Variants in LRRC7 observed in about 807,000 individuals in gnomAD.
LRRC7 encodes leucine-rich repeat-containing protein 7.
In LRRC7, 23 loss-of-function variants were observed where a neutral mutation model predicts 175.7. That is an observed-to-expected ratio of 0.13 (90% CI 0.09 to 0.19). The LOEUF (loss-of-function observed/expected upper bound fraction) is 0.19, where lower values mean the gene tolerates loss of function less well. Among genes scored for constraint, LRRC7 ranks in the 10% least tolerant of loss-of-function variants. The pLI, the probability that LRRC7 is intolerant of heterozygous loss-of-function variation, is 1.00. For synonymous variants in LRRC7, 685 were observed against 680.9 expected, an observed-to-expected ratio of 1.01 and a Z score of -0.09; for missense variants, 1,354 against 1,904.7, an observed-to-expected ratio of 0.71 and a Z score of 5.38.
rs1489366777 is a variant in LRRC7, at chr1:70,139,996, TGCCTTA to T, written c.*18110_*18115del. 1 of 152,154 alleles carries T rather than the reference TGCCTTA, an allele frequency of 6.6e-6. No homozygotes were observed. Among genetic ancestry groups the T allele is most frequent in the African/African-American group, 2.4e-5 (1 of 41,458 alleles). The allele number at this position is 152,154 out of a possible 1,614,324, so 9.4% of individuals were successfully genotyped here. ...TTAATTCTAGGGTACTTACAATAGC[TGCCTTA>T]TTGGGGGAAGGGAGGCATAGATTTG... On this transcript the variant is annotated 3_prime_UTR_variant, in exon 27 of 27. Coordinates refer to ENST00000651989, the MANE Select transcript of LRRC7 (RefSeq NM_001370785.2).
intron 4 of LRRC7, among the ~76,000 whole-genome samples, chr1:69,820,191 C>CTTTGCTTCTG (rs1202368864): frequency 6.6e-6 from 1 of 151,612 alleles, no homozygotes; most frequent in Admixed American, 6.6e-5. Flanking sequence ...TGTGTATCTA[C>CTTTGCTTCTG]TATAGGTCTT....
At chr1:69,710,340 G>A (rs527240791) in intron 2 of LRRC7, among the ~76,000 whole-genome samples, 1 of 150,130 alleles carries the variant, frequency 6.7e-6, no homozygotes, top group Non-Finnish European at 1.5e-5. Context: ...CCAGAGCAGA[G>A]AAAGGCAGAA....
intron 1 of LRRC7, among the ~76,000 whole-genome samples, chr1:69,574,565 T>G (rs902572736): frequency 6.6e-6 from 1 of 152,138 alleles, no homozygotes; most frequent in Non-Finnish European, 1.5e-5. Context: ...AGGTAGGTAA[T>G]GGACACAAAG....
intron 8 of LRRC7, among the ~76,000 whole-genome samples, chr1:69,946,449 AT>A (rs926118301): frequency 3.3e-5 from 5 of 151,680 alleles, no homozygotes; most frequent in Admixed American, 6.6e-5. Flanking sequence ...TTTTTTGGGT[AT>A]TTTTTTTATT....
intron 2 of LRRC7, among the ~76,000 whole-genome samples, chr1:69,751,158 T>C (rs936061201): frequency 2.0e-5 from 3 of 149,790 alleles, no homozygotes; most frequent in South Asian, 2.1e-4. Context: ...ATATTTGCTT[T>C]TATAGCAATT....
chr1:69,927,681 G>C (rs908456532), intron 7 of LRRC7, among the ~76,000 whole-genome samples: 1 of 152,044 alleles, frequency 6.6e-6, no homozygotes, highest in Non-Finnish European at 1.5e-5. Flanking sequence ...GGACTTCTCT[G>C]TATTGGTTAT....
At chr1:70,006,117 A>C (rs1302572428) in intron 11 of LRRC7, among the ~76,000 whole-genome samples, 1 of 152,072 alleles carries the variant, frequency 6.6e-6, no homozygotes, top group Admixed American at 6.6e-5. Flanking sequence ...GGTCAGCTGG[A>C]ATTGTAGGTT....
At chr1:70,065,856 T>C (rs968289808) in intron 23 of LRRC7, among the ~76,000 whole-genome samples, 2 of 152,002 alleles carry the variant, frequency 1.3e-5, no homozygotes, top group Non-Finnish European at 2.9e-5. Context: ...AATTTACTGC[T>C]TGCATACAAA....
intron 23 of LRRC7, among the ~76,000 whole-genome samples, chr1:70,060,624 G>A (rs1014329198): frequency 1.3e-5 from 2 of 152,114 alleles, no homozygotes; most frequent in Non-Finnish European, 2.9e-5. Flanking sequence ...GCAGAAAGTA[G>A]AGTAGATCAT....
At chr1:69,731,248 G>A (rs1286750707) in intron 2 of LRRC7, among the ~76,000 whole-genome samples, 2 of 152,082 alleles carry the variant, frequency 1.3e-5, no homozygotes. Flanking sequence ...CTTGCAGTGA[G>A]CCAAGATCAC....
intron 1 of LRRC7, among the ~76,000 whole-genome samples, chr1:69,668,165 C>A (rs552815710): frequency 6.6e-6 from 1 of 152,068 alleles, no homozygotes; most frequent in South Asian, 2.1e-4. Flanking sequence ...TTTTATTATA[C>A]TTTAAGTTCT....
chr1:70,060,820 G>T (rs572995928), intron 23 of LRRC7, among the ~76,000 whole-genome samples: 1 of 152,202 alleles, frequency 6.6e-6, no homozygotes, highest in Non-Finnish European at 1.5e-5. Context: ...CTGAGTGATT[G>T]TCAATGCTGT....
chr1:69,906,635 C>G (rs1002121714), intron 7 of LRRC7, among the ~76,000 whole-genome samples: 4 of 152,038 alleles, frequency 2.6e-5, no homozygotes, highest in South Asian at 2.1e-4. Flanking sequence ...GTTTTGGTAC[C>G]AGTACCATGC....
chr1:70,108,980 G>C (rs1005521202), intron 26 of LRRC7, among the ~76,000 whole-genome samples: 1 of 151,978 alleles, frequency 6.6e-6, no homozygotes, highest in African/African-American at 2.4e-5. Context: ...GTTGTTGTTT[G>C]GTGGTGGTGT....
chr1:69,849,589 TA>T (rs1682751300), intron 7 of LRRC7, among the ~76,000 whole-genome samples: 1 of 151,966 alleles, frequency 6.6e-6, no homozygotes, highest in African/African-American at 2.4e-5. Flanking sequence ...TTTAGTTTTA[TA>T]AAAGGAACAT....
intron 1 of LRRC7, among the ~76,000 whole-genome samples, chr1:69,597,607 G>T (rs557504567): frequency 6.6e-6 from 1 of 152,038 alleles, no homozygotes; most frequent in African/African-American, 2.4e-5. Flanking sequence ...AATGTCCGTA[G>T]CACCTAAGAA....
rs1035245564 is a variant in LRRC7 at position 70,133,964 on chromosome 1, A to G, written c.*12077A>G. Among the ~76,000 whole-genome samples the G allele has an allele frequency of 6.6e-6, 1 of 152,214 alleles. No individual in the cohort carries two copies. The highest frequency in any genetic ancestry group is 2.4e-5 in the African/African-American group (1 of 41,458). ...ACTTAAACATCAGGAACTGTGGTTA[A>G]GTTTGCCTAGCCTTCTTTATGTAAT... is the stretch of plus-strand genomic sequence containing the variant. On this transcript the variant is annotated 3_prime_UTR_variant, in exon 27 of 27. Coordinates refer to ENST00000651989, the MANE Select transcript of LRRC7 (RefSeq NM_001370785.2).
intron 25 of LRRC7, among the ~76,000 whole-genome samples, chr1:70,098,528 A>G (rs1487648927): frequency 1.3e-5 from 2 of 151,118 alleles, no homozygotes; most frequent in African/African-American, 2.5e-5. Flanking sequence ...TAATGAATCC[A>G]GGAGCTGGTT....
chr1:69,797,498 C>A (rs74087736), intron 4 of LRRC7, among the ~76,000 whole-genome samples: 517 of 152,280 alleles, frequency 3.4e-3, no homozygotes, highest in African/African-American at 0.012. Context: ...ATGATCTACT[C>A]AGGTTTCCAA....
Sources: allele counts gnomAD v4.1 joint callset (sites outside exome capture counted in the v4.1 genomes callset), GRCh38; gene constraint gnomAD v4.1.1; transcripts MANE v1.5; gene names NCBI Gene and HGNC (gene_info 2026-07-23, HGNC 2026-07-21).